TRERF1: variants seen among roughly 807,000 people sequenced by gnomAD.
TRERF1 encodes the protein transcriptional regulating factor 1.
TRERF1 carries 27 observed loss-of-function variants against 122.9 expected under a neutral mutation model. The ratio of observed to expected loss-of-function variants is 0.22; its 90% CI spans 0.16 to 0.30. TRERF1 has a LOEUF of 0.30. Ranked by LOEUF, TRERF1 falls within the 10% of genes least tolerant of loss-of-function variation. TRERF1 has a pLI of 1.00. For missense variants in TRERF1, 1,248 were observed against 1,560.3 expected, an observed-to-expected ratio of 0.80 and a Z score of 3.37; for synonymous variants, 636 against 641.7, an observed-to-expected ratio of 0.99 and a Z score of 0.13.
rs114640406 is a variant in TRERF1 at position 42,383,964 on chromosome 6, T to G, written c.-453-20885A>C. ...AAAAGTCTGATAACTTACTGGTAAC[T>G]CATCAATGAATGAGACATCCTCACC... On this transcript the variant is annotated intron_variant, in intron 2 of 17. Transcript: ENST00000372922. Among the ~76,000 whole-genome samples the G allele has an allele frequency of 2.8e-3, 432 of 151,952 alleles. 2 individuals are homozygous for G. Among genetic ancestry groups the G allele is most frequent in the African/African-American group, 1.0e-2 (414 of 41,478 alleles).
intron 15 of TRERF1, among the ~76,000 whole-genome samples, chr6:42,238,051 G>A (rs1772668375): frequency 6.6e-6 from 1 of 152,186 alleles, no homozygotes; most frequent in Non-Finnish European, 1.5e-5. Context: ...CCTCTTACTA[G>A]TATAGAACAT....
intron 2 of TRERF1, among the ~76,000 whole-genome samples, chr6:42,392,324 G>A (rs747612707): frequency 3.3e-5 from 5 of 152,160 alleles, no homozygotes; most frequent in African/African-American, 4.8e-5. Flanking sequence ...TTTATAAAAT[G>A]AGGATAATAA....
Position 42,268,704 on chromosome 6 carries a change from C to T in TRERF1, c.887G>A (p.Arg296His), listed in dbSNP as rs149607086. The change falls in exon 5 of 18, where the codon CGC (arginine) becomes CAC (histidine). Residue 296 changes from arginine (R) to histidine (H), a missense_variant. Around this residue, in one of 5 missense-constraint regions of TRERF1, gnomAD observed 946 missense variants for 1,073.0 expected, o/e 0.88. Transcript: ENST00000372922. This position sits in a 1 kb window ranked among gnomAD's most constrained non-coding sequence, Gnocchi z 4.4. The stretch of plus-strand genomic sequence containing the variant: ...TGGCGGCGGCTGTGGCTGTGATGGG[C>T]GAATTTGTTGCGGCTGCGTCTGTAT... 408 of 1,614,088 alleles carry T rather than the reference C, an allele frequency of 2.5e-4. 2 individuals carry two copies. In the South Asian group the frequency reaches 4.0e-3, roughly 16 times the overall value.
chr6:42,308,385 C>T (rs563429371), intron 3 of TRERF1, among the ~76,000 whole-genome samples: 3 of 152,284 alleles, frequency 2.0e-5, no homozygotes, highest in East Asian at 3.9e-4. Context: ...ACATAGTGTA[C>T]GGTTCCTTTT....
At chr6:42,295,844 C>T (rs1785016152) in intron 4 of TRERF1, among the ~76,000 whole-genome samples, 1 of 152,204 alleles carries the variant, frequency 6.6e-6, no homozygotes, top group Admixed American at 6.5e-5. Flanking sequence ...CTATAAATAG[C>T]AGGCTTTGAA....
rs10569943 is a variant in TRERF1, at chr6:42,267,652, TAAAAAC to T, written c.1437+496_1437+501del. On this transcript the variant is annotated intron_variant, in intron 5 of 17. Coordinates refer to ENST00000372922, the Ensembl canonical transcript of TRERF1. ...ATCTCAAAAAAAACAAAAACAAAAA[TAAAAAC>T]AAAAACCCTGGTGTATTTATCCTGA... is the stretch of plus-strand genomic sequence containing the variant. Among the ~76,000 whole-genome samples the T allele has an allele frequency of 6.7e-3, 1,016 of 151,856 alleles. 13 individuals are homozygous for T. Among genetic ancestry groups the T allele is most frequent in the African/African-American group, 0.023 (936 of 41,350 alleles).
intron 2 of TRERF1, among the ~76,000 whole-genome samples, chr6:42,430,630 T>C (rs1360392686): frequency 6.6e-6 from 1 of 152,012 alleles, no homozygotes; most frequent in East Asian, 1.9e-4. Flanking sequence ...GCGCGGTGGC[T>C]CATGCCTGTA....
At chr6:42,288,687 G>A (rs1424045830) in intron 4 of TRERF1, among the ~76,000 whole-genome samples, 12 of 151,854 alleles carry the variant, frequency 7.9e-5, no homozygotes, top group Non-Finnish European at 1.8e-4. Context: ...AAGATGAGAA[G>A]GACATAGGGA....
chr6:42,386,434 C>T (rs369737235), intron 2 of TRERF1, among the ~76,000 whole-genome samples: 46 of 152,012 alleles, frequency 3.0e-4, no homozygotes, highest in Middle Eastern at 3.4e-3. Flanking sequence ...CATAGCGAGA[C>T]CCTGTTTCAA....
intron 2 of TRERF1, among the ~76,000 whole-genome samples, chr6:42,408,267 A>ATGTATATATACATACTCGTGTG (rs758215575): frequency 1.3e-4 from 16 of 123,368 alleles, no homozygotes; most frequent in African/African-American, 5.0e-4. Context: ...ATGTGTGTGT[A>ATGTATATATACATACTCGTGTG]TGTATATATA....
At position 42,445,031 on chromosome 6, in the gene TRERF1, G is replaced by A. The variant is rs1787217065; in HGVS notation, c.-454+6146C>T. Among the ~76,000 whole-genome samples, 3 of 152,130 alleles carry A rather than the reference G, an allele frequency of 2.0e-5. No individual in the cohort carries two copies. The South Asian group carries it at 6.2e-4, about 32-fold the overall frequency. On this transcript the variant is annotated intron_variant, in intron 2 of 17. Transcript: ENST00000372922. ...ACATCTGTAATCCAGCACTTGGGGA[G>A]GCCAAGGCAGGTGGATCACCTGAGG... is the stretch of plus-strand genomic sequence containing the variant.
chr6:42,395,744 T>A (rs2151293396), intron 2 of TRERF1, among the ~76,000 whole-genome samples: 1 of 152,054 alleles, frequency 6.6e-6, no homozygotes, highest in Non-Finnish European at 1.5e-5. Flanking sequence ...TTCATGAGCG[T>A]ATCTAAGCCC....
At chr6:42,331,060 G>C (rs1227800920) in intron 3 of TRERF1, among the ~76,000 whole-genome samples, 1 of 152,122 alleles carries the variant, frequency 6.6e-6, no homozygotes, top group East Asian at 1.9e-4. Context: ...AGAAGGCACA[G>C]GCATAGAATG....
At chr6:42,410,472 C>T (rs1582068512) in intron 2 of TRERF1, among the ~76,000 whole-genome samples, 1 of 152,092 alleles carries the variant, frequency 6.6e-6, no homozygotes, top group African/African-American at 2.4e-5. Context: ...TTTAAAGAGC[C>T]CATTCAGTGA....
At chr6:42,264,208 A>C (rs1778738177) in intron 7 of TRERF1, among the ~76,000 whole-genome samples, 1 of 152,206 alleles carries the variant, frequency 6.6e-6, no homozygotes, top group Non-Finnish European at 1.5e-5. Context: ...ATAGTTTACT[A>C]TCTGGATATC....
At chr6:42,253,102 G>A (rs191880371) in intron 13 of TRERF1, among the ~76,000 whole-genome samples, 27 of 152,262 alleles carry the variant, frequency 1.8e-4, no homozygotes, top group Admixed American at 1.6e-3. Flanking sequence ...AAAGTTTTTG[G>A]TAATATTTTA....
At chr6:42,380,006 G>C (rs920863723) in intron 2 of TRERF1, among the ~76,000 whole-genome samples, 5 of 152,208 alleles carry the variant, frequency 3.3e-5, no homozygotes, top group African/African-American at 1.2e-4. Context: ...CAGGAGGAGA[G>C]GGATCGAGAA....
intron 2 of TRERF1, among the ~76,000 whole-genome samples, chr6:42,383,495 G>T (rs908790737): frequency 1.3e-5 from 2 of 151,822 alleles, no homozygotes; most frequent in East Asian, 3.9e-4. Context: ...CCTTCCTCAC[G>T]TGTTCAACCC....
chr6:42,365,905 GCTC>G (rs1772633235), intron 2 of TRERF1, among the ~76,000 whole-genome samples: 1 of 152,140 alleles, frequency 6.6e-6, no homozygotes, highest in South Asian at 2.1e-4. Context: ...GGCTTTGGAG[GCTC>G]CTCAATACAG....
Sources: allele counts gnomAD v4.1 joint callset (sites outside exome capture counted in the v4.1 genomes callset), GRCh38; gene constraint gnomAD v4.1.1; regional missense constraint gnomAD v4.1.1; non-coding constraint Gnocchi (gnomAD v3.1); transcripts MANE v1.5; gene names NCBI Gene and HGNC (gene_info 2026-07-23, HGNC 2026-07-21).